CNBD1: variants seen among roughly 807,000 people sequenced by gnomAD.
The protein encoded by CNBD1 is cyclic nucleotide-binding domain-containing protein 1.
A neutral mutation model predicts 54.4 loss-of-function variants in CNBD1; 71 were observed. That is an observed-to-expected ratio of 1.30 (90% CI 1.08 to 1.59). The LOEUF is 1.59. Ranked by LOEUF, CNBD1 falls within the 40% of genes most tolerant of loss-of-function variation. The pLI is 0.00. For synonymous variants in CNBD1, 182 were observed against 170.7 expected (o/e 1.07, Z -0.51); for missense variants, 659 against 518.0 (o/e 1.27, Z -2.64).
intron 2 of CNBD1, among the ~76,000 whole-genome samples, chr8:86,889,822 G>C (rs530883079): frequency 6.6e-6 from 1 of 152,094 alleles, no homozygotes; most frequent in East Asian, 1.9e-4. Context: ...TTTTGCACTG[G>C]ATTTTATTTT....
chr8:87,047,956 G>A (rs143921623), intron 4 of CNBD1, among the ~76,000 whole-genome samples: 1 of 152,288 alleles, frequency 6.6e-6, no homozygotes, highest in East Asian at 1.9e-4. Flanking sequence ...CTAATTTTCA[G>A]TGTAAGGTGC....
intron 2 of CNBD1, among the ~76,000 whole-genome samples, chr8:86,902,844 G>C (rs1483807348): frequency 6.6e-6 from 1 of 151,848 alleles, no homozygotes; most frequent in African/African-American, 2.4e-5. Flanking sequence ...TTTGTCCCTA[G>C]CATGCTAATT....
At chr8:87,107,089 A>C (rs2130699911) in intron 4 of CNBD1, among the ~76,000 whole-genome samples, 1 of 152,190 alleles carries the variant, frequency 6.6e-6, no homozygotes, top group Middle Eastern at 3.4e-3. Flanking sequence ...CGGCCTCCCA[A>C]AGTGCCGGGA....
chr8:87,045,744 A>AAAAAAAC lies in CNBD1; in HGVS notation c.431+105990_431+105991insAAAAAAC, dbSNP rs1554549758. 1.3e-3 allele frequency among the ~76,000 whole-genome samples: 192 copies of AAAAAAAC among 146,660 alleles called. 3 individuals are homozygous for AAAAAAAC. The highest frequency in any genetic ancestry group is 4.3e-3 in the African/African-American group (167 of 39,000). On this transcript the variant is annotated intron_variant, in intron 4 of 10. Transcript: ENST00000518476. ...CGTCTCAAAAAAAAAAAAAAAAAAA[A>AAAAAAAC]CAGTACACATGTGCCGGCCAGGCAT... is the stretch of plus-strand genomic sequence containing the variant.
At chr8:87,384,958 G>T (rs894135328), downstream of CNBD1, among the ~76,000 whole-genome samples, 3 of 152,090 alleles carry the variant, frequency 2.0e-5, no homozygotes, top group Non-Finnish European at 4.4e-5. Flanking sequence ...ATAGAAACTT[G>T]GTAAGGACTT....
intron 8 of CNBD1, among the ~76,000 whole-genome samples, chr8:87,291,478 T>C (rs1808784216): frequency 6.6e-6 from 1 of 152,174 alleles, no homozygotes. Flanking sequence ...GTAGGTCATA[T>C]AGTGCCTCTG....
chr8:87,159,705 C>G (rs1033995739), intron 4 of CNBD1, among the ~76,000 whole-genome samples: 1 of 151,988 alleles, frequency 6.6e-6, no homozygotes, highest in Admixed American at 6.6e-5. Flanking sequence ...TGCAGCCAAC[C>G]TAAGGCAAGA....
At chr8:87,320,699 G>A (rs1809506715) in intron 8 of CNBD1, among the ~76,000 whole-genome samples, 1 of 151,818 alleles carries the variant, frequency 6.6e-6, no homozygotes, top group Admixed American at 6.6e-5. Context: ...TAAAACCTAT[G>A]TGTTTATTTA....
In CNBD1 at chr8:87,166,840, A is replaced by G. The variant is rs1812973477; in HGVS notation, c.432-39153A>G. 6.6e-6 allele frequency among the ~76,000 whole-genome samples: 1 copy of G among 151,640 alleles called. No homozygotes were observed. Among genetic ancestry groups the G allele is most frequent in the Non-Finnish European group, 1.5e-5 (1 of 67,850 alleles). ...CAGGCATTCTGCAACCCCACCACAA[A>G]CTCATAATTGTTCTATTTTCCAGTA... On this transcript the variant is annotated intron_variant, in intron 4 of 10. Transcript: ENST00000518476. The surrounding 1 kb of genome is among the most constrained non-coding windows in gnomAD (Gnocchi z 4.3).
chr8:87,028,302 G>A (rs1809700758), intron 4 of CNBD1, among the ~76,000 whole-genome samples: 1 of 152,200 alleles, frequency 6.6e-6, no homozygotes, highest in Non-Finnish European at 1.5e-5. Flanking sequence ...GATGCAATGG[G>A]GCCGGAGAGA....
At chr8:87,258,465 A>G (rs1345222907) in intron 6 of CNBD1, among the ~76,000 whole-genome samples, 1 of 151,468 alleles carries the variant, frequency 6.6e-6, no homozygotes, top group Non-Finnish European at 1.5e-5. Flanking sequence ...ACTGTCTGGC[A>G]CAGGCTGGGG....
intron 6 of CNBD1, among the ~76,000 whole-genome samples, chr8:87,240,109 C>T (rs1468987923): frequency 6.6e-6 from 1 of 150,692 alleles, no homozygotes; most frequent in Admixed American, 6.6e-5. Flanking sequence ...CACACAGACA[C>T]AAACATGCAC....
chr8:87,280,375 A>G (rs1808575870), intron 6 of CNBD1, among the ~76,000 whole-genome samples: 1 of 151,592 alleles, frequency 6.6e-6, no homozygotes, highest in African/African-American at 2.4e-5. Flanking sequence ...ATAGAAACTC[A>G]TTCAAGAAAA....
At chr8:87,188,758 A>AT (rs1184586233) in intron 4 of CNBD1, among the ~76,000 whole-genome samples, 13 of 146,336 alleles carry the variant, frequency 8.9e-5, no homozygotes, top group East Asian at 3.9e-4. Context: ...CAAAAAAAAA[A>AT]AAAAATAAAA....
At chr8:87,041,740 A>T (rs1473310958) in intron 4 of CNBD1, among the ~76,000 whole-genome samples, 1 of 152,158 alleles carries the variant, frequency 6.6e-6, no homozygotes, top group Non-Finnish European at 1.5e-5. Context: ...CGGAGCTTGC[A>T]GTGAGCCAAG....
intron 4 of CNBD1, among the ~76,000 whole-genome samples, chr8:86,958,713 T>G (rs1192332265): frequency 6.6e-6 from 1 of 152,186 alleles, no homozygotes; most frequent in East Asian, 1.9e-4. Flanking sequence ...ATTTTCAGCC[T>G]ATGTGTGTCT....
At chr8:87,421,453 G>A (rs1421346547) in intron 2 of CNBD1, among the ~76,000 whole-genome samples, 1 of 121,550 alleles carries the variant, frequency 8.2e-6, no homozygotes, top group Admixed American at 1.1e-4. Context: ...AGTCCCCAGA[G>A]TGTGATGTTC....
chr8:87,155,718 T>C (rs1366215684), intron 4 of CNBD1, among the ~76,000 whole-genome samples: 1 of 152,204 alleles, frequency 6.6e-6, no homozygotes, highest in African/African-American at 2.4e-5. Flanking sequence ...TATATACCTG[T>C]CTGCATTCCA....
At chr8:87,077,658 A>C (rs1563459608) in intron 4 of CNBD1, among the ~76,000 whole-genome samples, 2 of 148,652 alleles carry the variant, frequency 1.3e-5, no homozygotes, top group Non-Finnish European at 3.0e-5. Flanking sequence ...ATGAGTGAGA[A>C]CATGTGGCGT....
Sources: gnomAD v4.1 joint callset for allele counts (sites outside exome capture counted in the v4.1 genomes callset) on GRCh38, gnomAD v4.1.1 for gene constraint, Gnocchi (gnomAD v3.1) non-coding constraint, MANE v1.5 for transcripts, NCBI Gene and HGNC (gene_info 2026-07-23, HGNC 2026-07-21) for gene names.